The following FHOD3 variants were observed in gnomAD, a reference collection of about 807,000 sequenced individuals.
The protein encoded by FHOD3 is FH1/FH2 domain-containing protein 3.
Under a neutral mutation model 173.0 loss-of-function variants are expected in FHOD3, and 90 were observed. The observed-to-expected ratio is 0.52, with a 90% confidence interval of 0.44 to 0.62. The LOEUF is 0.62. Ranked by LOEUF, FHOD3 falls within the 20% of genes least tolerant of loss-of-function variation. The pLI, the probability that FHOD3 is intolerant of heterozygous loss-of-function variation, is 0.00. For missense variants in FHOD3, 1,945 were observed against 2,034.7 expected (o/e 0.96, Z 0.85); for synonymous variants, 828 against 823.0 (o/e 1.01, Z -0.10).
At chr18:36,405,988 T>C (rs2049036170) in intron 3 of FHOD3, among the ~76,000 whole-genome samples, 1 of 152,240 alleles carries the variant, frequency 6.6e-6, no homozygotes, top group African/African-American at 2.4e-5. Flanking sequence ...TAGTAGGTTT[T>C]TGATAATGGT....
intron 1 of FHOD3, among the ~76,000 whole-genome samples, chr18:36,345,090 T>C (rs1316182083): frequency 1.3e-5 from 2 of 152,250 alleles, no homozygotes; most frequent in Non-Finnish European, 2.9e-5. Context: ...GCAGTGAGGA[T>C]AGAGATTTAA....
chr18:36,596,137 A>AT (rs199885629), intron 7 of FHOD3, among the ~76,000 whole-genome samples: 95 of 150,660 alleles, frequency 6.3e-4, no homozygotes, highest in Admixed American at 9.3e-4. Context: ...TGTGTCTGTG[A>AT]TTTTTTTTTG....
chr18:36,565,196 C>T (rs1034630645), intron 5 of FHOD3, among the ~76,000 whole-genome samples: 3 of 152,092 alleles, frequency 2.0e-5, no homozygotes, highest in African/African-American at 4.8e-5. Flanking sequence ...ATACTTACTG[C>T]GGGCTCTGGT....
At chr18:36,644,074 C>T (rs2035516842) in intron 10 of FHOD3, among the ~76,000 whole-genome samples, 1 of 152,152 alleles carries the variant, frequency 6.6e-6, no homozygotes, top group Non-Finnish European at 1.5e-5. Flanking sequence ...GGCTGCAGGC[C>T]TCTGGGTTGC....
chr18:36,430,391 T>C (rs1431221790), intron 3 of FHOD3, among the ~76,000 whole-genome samples: 2 of 152,152 alleles, frequency 1.3e-5, no homozygotes, highest in Non-Finnish European at 2.9e-5. Flanking sequence ...TAATTTTGTA[T>C]TTTTAGTAGA....
rs2031552173 is a variant in FHOD3 at position 36,602,699 on chromosome 18, G to A, written c.744G>A (p.Met248Ile). ...GGGTCAAACCTTGGTCAAATATCATGGAAATCCTGGAGGAAAAAGATGGAG... is the reference window on the plus strand; with the variant it reads ...GGGTCAAACCTTGGTCAAATATCATAGAAATCCTGGAGGAAAAAGATGGAG... ...KRGVKPWSNI[M>I]EILEEKDGVD... Residue 248 changes from methionine (M) to isoleucine (I), a missense_variant, in exon 8 of 29, where the codon ATG (methionine) becomes ATA (isoleucine). Met to Ile is a conservative substitution (Grantham distance 10). Around this residue, in one of 5 missense-constraint regions of FHOD3, gnomAD observed 1,099 missense variants for 1,051.2 expected, o/e 1.05. Coordinates refer to ENST00000590592, the MANE Select transcript of FHOD3 (RefSeq NM_001281740.3). 2 of 1,614,102 alleles carry A rather than the reference G, an allele frequency of 1.2e-6. No homozygotes were observed. The highest frequency in any genetic ancestry group is 1.1e-5 in the South Asian group (1 of 91,084).
chr18:36,591,084 T>G (rs538107677), intron 6 of FHOD3, among the ~76,000 whole-genome samples: 1 of 152,312 alleles, frequency 6.6e-6, no homozygotes, highest in African/African-American at 2.4e-5. Context: ...GTCTTTTTAT[T>G]TACTTGAAGA....
At chr18:36,685,425 A>G (rs1444218119) in intron 15 of FHOD3, among the ~76,000 whole-genome samples, 1 of 152,246 alleles carries the variant, frequency 6.6e-6, no homozygotes, top group Non-Finnish European at 1.5e-5. Context: ...TCCTGAGGTT[A>G]CCCAAATGAC....
chr18:36,689,256 C>A (rs2038814406), intron 16 of FHOD3, among the ~76,000 whole-genome samples: 1 of 152,118 alleles, frequency 6.6e-6, no homozygotes, highest in Non-Finnish European at 1.5e-5. Flanking sequence ...TAGTAGAGAT[C>A]AGAGGTGGGA....
intron 5 of FHOD3, among the ~76,000 whole-genome samples, chr18:36,529,542 G>C (rs1358090769): frequency 6.6e-6 from 1 of 152,022 alleles, no homozygotes; most frequent in African/African-American, 2.4e-5. Flanking sequence ...AGGTGGGCTG[G>C]GCACGGTGGC....
chr18:36,605,330 G>A (rs1215852869), intron 8 of FHOD3, among the ~76,000 whole-genome samples: 2 of 152,164 alleles, frequency 1.3e-5, no homozygotes, highest in Non-Finnish European at 2.9e-5. Context: ...GATCATAGCA[G>A]TACCCACACA....
chr18:36,646,061 C>A (rs1421203816), intron 10 of FHOD3, among the ~76,000 whole-genome samples: 2 of 151,934 alleles, frequency 1.3e-5, no homozygotes, highest in Non-Finnish European at 2.9e-5. Flanking sequence ...GAGGTCCTAG[C>A]AAGTGGACTA....
chr18:36,716,240 G>A (rs2040443054), intron 18 of FHOD3, among the ~76,000 whole-genome samples: 1 of 152,226 alleles, frequency 6.6e-6, no homozygotes, highest in African/African-American at 2.4e-5. Context: ...AGTACTGCAG[G>A]CAGGAACCCA....
chr18:36,731,841 C>A (rs1212412969), intron 20 of FHOD3, among the ~76,000 whole-genome samples: 3 of 152,202 alleles, frequency 2.0e-5, no homozygotes, highest in Admixed American at 1.3e-4. Flanking sequence ...ACTAGGCATG[C>A]CTTCATGCTT....
In FHOD3 at chr18:36,680,600, A is replaced by C. The variant is rs538189499; in HGVS notation, c.1836-836A>C. On this transcript the variant is annotated intron_variant, in intron 14 of 28. Transcript: ENST00000590592. The stretch of plus-strand genomic sequence containing the variant: ...TCTCCCACTCATTCTCTGATTTAAC[A>C]TCTCCTGTGATACTCACCCTGTGGT... Among the ~76,000 whole-genome samples, 3 of 152,246 alleles carry C rather than the reference A, an allele frequency of 2.0e-5. No individual in the cohort carries two copies. The South Asian group carries it at 6.2e-4, about 32-fold the overall frequency.
chr18:36,709,946 G>C (rs551137401), intron 18 of FHOD3: 1 of 153,552 alleles, frequency 6.5e-6, no homozygotes, highest in East Asian at 1.9e-4. Flanking sequence ...TGATGTACTG[G>C]AATATAGATA....
At chr18:36,552,608 C>A (rs1262093443) in intron 5 of FHOD3, among the ~76,000 whole-genome samples, 23 of 151,706 alleles carry the variant, frequency 1.5e-4, no homozygotes, top group African/African-American at 5.6e-4. Context: ...ATGCCATTCT[C>A]CTGCCTCAGC....
intron 1 of FHOD3, among the ~76,000 whole-genome samples, chr18:36,321,979 A>G (rs1298459620): frequency 6.6e-6 from 1 of 151,742 alleles, no homozygotes; most frequent in African/African-American, 2.4e-5. Flanking sequence ...GGCCAGAGGC[A>G]GGGCCACCTG....
intron 1 of FHOD3, among the ~76,000 whole-genome samples, chr18:36,341,650 T>G (rs1263223386): frequency 6.6e-6 from 1 of 152,158 alleles, no homozygotes; most frequent in African/African-American, 2.4e-5. Flanking sequence ...CAGGCATTCA[T>G]TGGGACCCCT....
Sources: gnomAD v4.1 joint callset for allele counts (sites outside exome capture counted in the v4.1 genomes callset) on GRCh38, gnomAD v4.1.1 for gene constraint, gnomAD v4.1.1 regional missense constraint, MANE v1.5 for transcripts, NCBI Gene and HGNC (gene_info 2026-07-23, HGNC 2026-07-21) for gene names.